SSBP2: variants seen among roughly 807,000 people sequenced by gnomAD.
The protein encoded by SSBP2 is single stranded DNA binding protein 2.
In SSBP2, 17 loss-of-function variants were observed where a neutral mutation model predicts 61.8. That is an observed-to-expected ratio of 0.28 (90% CI 0.19 to 0.41). The LOEUF is 0.41. Among genes scored for constraint, SSBP2 ranks in the 10% least tolerant of loss-of-function variants. The probability of loss-of-function intolerance (pLI) is 1.00; values close to 1 mark genes in which losing one functional copy is unlikely to be tolerated. For missense variants in SSBP2, 310 were observed against 458.7 expected (o/e 0.68, Z 2.96); for synonymous variants, 139 against 141.3 (o/e 0.98, Z 0.12).
At chr5:81,514,853 TGAGG>T (rs1434406823) in intron 4 of SSBP2, among the ~76,000 whole-genome samples, 1 of 152,022 alleles carries the variant, frequency 6.6e-6, no homozygotes, top group Non-Finnish European at 1.5e-5. Flanking sequence ...TAGTATTTCC[TGAGG>T]AAGTCTAGAT....
At chr5:81,652,716 T>G (rs890665629) in intron 1 of SSBP2, among the ~76,000 whole-genome samples, 2 of 152,146 alleles carry the variant, frequency 1.3e-5, no homozygotes, top group African/African-American at 4.8e-5. Context: ...TTAAGTCTAC[T>G]GCCATGATGA....
intron 4 of SSBP2, among the ~76,000 whole-genome samples, chr5:81,557,397 G>A (rs1481640264): frequency 1.3e-5 from 2 of 152,064 alleles, no homozygotes; most frequent in Non-Finnish European, 2.9e-5. Flanking sequence ...AAATTTGGAA[G>A]ACTTTTGGCA....
chr5:81,454,596 G>A (rs763415700), intron 10 of SSBP2, among the ~76,000 whole-genome samples: 43 of 151,972 alleles, frequency 2.8e-4, no homozygotes, highest in Admixed American at 2.0e-3. Flanking sequence ...CAAGAGAATC[G>A]CTTGAACCTG....
chr5:81,458,754 T>C (rs1764337752), intron 10 of SSBP2, among the ~76,000 whole-genome samples: 1 of 152,184 alleles, frequency 6.6e-6, no homozygotes, highest in South Asian at 2.1e-4. Context: ...AAATGATCCA[T>C]GGTTTTTGGG....
At chr5:81,705,211 TA>T (rs1225498866) in intron 1 of SSBP2, among the ~76,000 whole-genome samples, 1 of 152,160 alleles carries the variant, frequency 6.6e-6, no homozygotes, top group Admixed American at 6.5e-5. Flanking sequence ...TGCATAGTGA[TA>T]GGGGAGAGGA....
intron 6 of SSBP2, among the ~76,000 whole-genome samples, chr5:81,475,767 G>C (rs2154025563): frequency 6.6e-6 from 1 of 152,174 alleles, no homozygotes; most frequent in East Asian, 1.9e-4. Flanking sequence ...TCTCAGTTTA[G>C]GGATCACTTC....
chr5:81,528,035 G>A (rs1051472843), intron 4 of SSBP2, among the ~76,000 whole-genome samples: 1 of 151,692 alleles, frequency 6.6e-6, no homozygotes, highest in Non-Finnish European at 1.5e-5. Flanking sequence ...GAATAAGAAT[G>A]TATGGTTTCT....
chr5:81,502,144 C>T (rs1158567898), intron 5 of SSBP2, among the ~76,000 whole-genome samples: 1 of 152,142 alleles, frequency 6.6e-6, no homozygotes, highest in Non-Finnish European at 1.5e-5. Flanking sequence ...CCTAGATCCA[C>T]TTTTATGAGG....
intron 4 of SSBP2, among the ~76,000 whole-genome samples, chr5:81,612,234 T>G (rs1745523191): frequency 6.6e-6 from 1 of 152,168 alleles, no homozygotes; most frequent in African/African-American, 2.4e-5. Context: ...TATGGATGTC[T>G]CTCAATATGT....
chr5:81,489,168 A>G, intron 6 of SSBP2, 82 bp downstream of exon 6: 1 of 1,268,548 alleles, frequency 7.9e-7, no homozygotes, highest in African/African-American at 1.5e-5. Context: ...AGAATTTCAT[A>G]TTTTTACAGG....
intron 6 of SSBP2, 21 bp downstream of exon 6, chr5:81,489,229 T>TA (rs1766669279): frequency 1.3e-6 from 2 of 1,595,968 alleles, no homozygotes; most frequent in African/African-American, 1.3e-5. Flanking sequence ...ACAAAAAACT[T>TA]ACATAGCACA....
chr5:81,663,137 AAGAT>A (rs1750830680), intron 1 of SSBP2, among the ~76,000 whole-genome samples: 2 of 152,214 alleles, frequency 1.3e-5, no homozygotes, highest in African/African-American at 4.8e-5. Flanking sequence ...GAAAATAAGA[AAGAT>A]AGGCAAGATA....
intron 4 of SSBP2, among the ~76,000 whole-genome samples, chr5:81,551,021 G>A (rs926960080): frequency 1.3e-5 from 2 of 151,124 alleles, no homozygotes; most frequent in East Asian, 2.0e-4. Flanking sequence ...GCATGAACCC[G>A]GGAGGTAGAT....
rs771402701 is a variant in SSBP2, at chr5:81,413,749, T to G, written c.*6755A>C. 6.6e-6 allele frequency: 1 copy of G among 152,176 alleles called. No homozygotes were observed. Among genetic ancestry groups the G allele is most frequent in the Non-Finnish European group, 1.5e-5 (1 of 68,004 alleles). The allele number at this position is 152,176 out of a possible 1,614,324, so 9.4% of individuals were successfully genotyped here. ...ACACATTTCAATCAGTAGTTTATAT[T>G]AAGAAGATTTCTAAGATGGTGCTAA... On this transcript the variant is annotated 3_prime_UTR_variant, in exon 17 of 17. Coordinates refer to ENST00000320672, the MANE Select transcript of SSBP2 (RefSeq NM_012446.5).
At chr5:81,534,393 G>C (rs1416270321) in intron 4 of SSBP2, among the ~76,000 whole-genome samples, 2 of 152,094 alleles carry the variant, frequency 1.3e-5, no homozygotes, top group African/African-American at 4.8e-5. Context: ...TCAGATAAGG[G>C]AGCGATGTTG....
intron 5 of SSBP2, among the ~76,000 whole-genome samples, chr5:81,507,137 A>G (rs1285568186): frequency 6.6e-6 from 1 of 152,132 alleles, no homozygotes. Flanking sequence ...GAACAAGTGG[A>G]GCCATCTGCA....
chr5:81,508,766 AAGG>A (rs1336785835), intron 5 of SSBP2, among the ~76,000 whole-genome samples: 3 of 152,198 alleles, frequency 2.0e-5, no homozygotes, highest in Admixed American at 2.0e-4. Context: ...ACAGGAAAAA[AAGG>A]AGTATGTTTG....
chr5:81,674,529 A>C (rs1455189746), intron 1 of SSBP2, among the ~76,000 whole-genome samples: 3 of 152,184 alleles, frequency 2.0e-5, no homozygotes, highest in Non-Finnish European at 2.9e-5. Flanking sequence ...TAGATTTAGA[A>C]TCATTAAACA....
Position 81,552,860 on chromosome 5 carries a change from ATTC to A in SSBP2, c.283-39146_283-39144del, listed in dbSNP as rs200684053. On this transcript the variant is annotated intron_variant, in intron 4 of 16. Transcript: ENST00000320672. ...TGCTAAGTAGGTCTGGAATTTATAAATTCTTCTTCATCCATTTATACAGCAATG... is the reference window on the plus strand; with the variant it reads ...TGCTAAGTAGGTCTGGAATTTATAAATTCTTCATCCATTTATACAGCAATG... 6.3e-3 allele frequency among the ~76,000 whole-genome samples: 956 copies of A among 152,266 alleles called. 8 individuals are homozygous for A. Among genetic ancestry groups the A allele is most frequent in the African/African-American group, 0.021 (891 of 41,550 alleles).
Sources: allele counts gnomAD v4.1 joint callset (sites outside exome capture counted in the v4.1 genomes callset), GRCh38; gene constraint gnomAD v4.1.1; transcripts MANE v1.5; gene names NCBI Gene and HGNC (gene_info 2026-07-23, HGNC 2026-07-21).